Variants in POT1 observed in about 807,000 individuals in gnomAD.
The protein encoded by POT1 is protection of telomeres 1.
POT1 carries 47 observed loss-of-function variants against 78.5 expected under a neutral mutation model. The observed-to-expected ratio is 0.60, with a 90% confidence interval of 0.47 to 0.76. POT1 has a LOEUF of 0.76. Among genes scored for constraint, POT1 ranks in the 30% least tolerant of loss-of-function variants. POT1 has a pLI of 0.00. For synonymous variants in POT1, 259 were observed against 260.7 expected, an observed-to-expected ratio of 0.99 and a Z score of 0.06; for missense variants, 646 against 749.9, an observed-to-expected ratio of 0.86 and a Z score of 1.62.
At chr7:124,878,187 C>A (rs1435850370) in intron 6 of POT1, among the ~76,000 whole-genome samples, 2 of 152,002 alleles carry the variant, frequency 1.3e-5, no homozygotes, top group African/African-American at 4.8e-5. Context: ...AAAAAATTAA[C>A]CAGGTGTGGT....
chr7:124,832,456 T>TA (rs1310428305), intron 15 of POT1, among the ~76,000 whole-genome samples: 2 of 151,960 alleles, frequency 1.3e-5, no homozygotes, highest in Middle Eastern at 3.2e-3. Flanking sequence ...ATAAAAAATG[T>TA]AAAAATGTCT....
chr7:124,843,773 T>G (rs1795089609), intron 12 of POT1, among the ~76,000 whole-genome samples: 1 of 152,202 alleles, frequency 6.6e-6, no homozygotes, highest in Admixed American at 6.5e-5. Flanking sequence ...AGGGAAATGA[T>G]GTACAAATCT....
chr7:124,919,871 G>A (rs1027900042), intron 2 of POT1, among the ~76,000 whole-genome samples: 15 of 152,222 alleles, frequency 9.9e-5, no homozygotes, highest in East Asian at 1.9e-4. Flanking sequence ...TACAAACTCC[G>A]TGTGCACGTT....
intron 2 of POT1, among the ~76,000 whole-genome samples, chr7:124,922,391 T>C (rs1797172585): frequency 6.6e-6 from 1 of 152,066 alleles, no homozygotes; most frequent in Non-Finnish European, 1.5e-5. Context: ...TGACTCATTG[T>C]TTAAACAAAA....
intron 6 of POT1, among the ~76,000 whole-genome samples, chr7:124,877,840 CAAA>C (rs201285982): frequency 5.0e-5 from 4 of 80,570 alleles, no homozygotes; most frequent in Non-Finnish European, 1.1e-4. Context: ...GATTCTGTCT[CAAA>C]AAAAAAAAAA....
chr7:124,829,094 G>C, intron 16 of POT1, 160 bp downstream of exon 16: 1 of 762,358 alleles, frequency 1.3e-6, no homozygotes, highest in Non-Finnish European at 2.4e-6. Context: ...GGAAGGCTTG[G>C]CAGATATCTT....
intron 7 of POT1, among the ~76,000 whole-genome samples, chr7:124,869,134 G>A (rs1795802872): frequency 6.6e-6 from 1 of 152,080 alleles, no homozygotes; most frequent in South Asian, 2.1e-4. Flanking sequence ...ACTGTGAATG[G>A]AGCCATGCAT....
intron 6 of POT1, among the ~76,000 whole-genome samples, chr7:124,883,867 C>CA (rs1357506904): frequency 1.3e-5 from 2 of 151,066 alleles, no homozygotes; most frequent in African/African-American, 4.9e-5. Context: ...TTACATCATA[C>CA]TAGATTCTTT....
At chr7:124,859,522 TCA>T (rs1795532964) in intron 8 of POT1, among the ~76,000 whole-genome samples, 1 of 152,118 alleles carries the variant, frequency 6.6e-6, no homozygotes, top group African/African-American at 2.4e-5. Flanking sequence ...TTTATGAGAT[TCA>T]GTCTCATTCT....
chr7:124,899,269 C>A (rs1796563406), intron 3 of POT1, among the ~76,000 whole-genome samples: 1 of 152,162 alleles, frequency 6.6e-6, no homozygotes, highest in African/African-American at 2.4e-5. Flanking sequence ...CAGGCCCTCC[C>A]AAAACAAACT....
intron 15 of POT1, among the ~76,000 whole-genome samples, chr7:124,833,229 G>A (rs926815642): frequency 3.3e-5 from 5 of 152,006 alleles, no homozygotes; most frequent in Non-Finnish European, 5.9e-5. Flanking sequence ...ATACACTTTC[G>A]CTTTATGGCT....
At chr7:124,834,555 C>G (rs541376552) in intron 15 of POT1, among the ~76,000 whole-genome samples, 1 of 151,698 alleles carries the variant, frequency 6.6e-6, no homozygotes, top group Non-Finnish European at 1.5e-5. Flanking sequence ...TACCATCTCA[C>G]GCCACTTAGA....
intron 3 of POT1, among the ~76,000 whole-genome samples, chr7:124,898,730 A>G (rs1372610852): frequency 1.3e-5 from 2 of 152,142 alleles, no homozygotes. Flanking sequence ...TTGAGAAACT[A>G]CATTGAGAAA....
At chr7:124,860,291 T>C (rs1344702552) in intron 8 of POT1, among the ~76,000 whole-genome samples, 2 of 152,116 alleles carry the variant, frequency 1.3e-5, no homozygotes, top group Non-Finnish European at 2.9e-5. Context: ...TGAAATTCTA[T>C]CTCAACAAGT....
intron 13 of POT1, among the ~76,000 whole-genome samples, chr7:124,842,020 T>C (rs1278480761): frequency 1.3e-5 from 2 of 151,972 alleles, no homozygotes; most frequent in Non-Finnish European, 2.9e-5. Context: ...GGAAAATATA[T>C]GTATATTAAT....
chr7:124,851,667 C>T, intron 11 of POT1: 3 of 560,240 alleles, frequency 5.4e-6, no homozygotes, highest in Non-Finnish European at 6.3e-6. Context: ...ATCACTACCA[C>T]CCAATTTGAA....
intron 2 of POT1, among the ~76,000 whole-genome samples, chr7:124,919,700 C>A (rs1797101542): frequency 6.6e-6 from 1 of 152,108 alleles, no homozygotes; most frequent in Non-Finnish European, 1.5e-5. Flanking sequence ...AGAAACCAAC[C>A]CTGCAGCCAC....
intron 3 of POT1, among the ~76,000 whole-genome samples, chr7:124,898,859 T>C (rs1180483889): frequency 6.6e-6 from 1 of 152,196 alleles, no homozygotes; most frequent in Non-Finnish European, 1.5e-5. Flanking sequence ...GATATTTTCT[T>C]TCTACTTAGG....
At chr7:124,892,598 A>C (rs910715453) in intron 5 of POT1, 74 of 325,906 alleles carry the variant, frequency 2.3e-4, no homozygotes, top group Non-Finnish European at 2.5e-4. Flanking sequence ...ACACTAGCTC[A>C]TAAAGGCATA....
Sources: gnomAD v4.1 joint callset for allele counts (sites outside exome capture counted in the v4.1 genomes callset) on GRCh38, gnomAD v4.1.1 for gene constraint, MANE v1.5 for transcripts, NCBI Gene and HGNC (gene_info 2026-07-23, HGNC 2026-07-21) for gene names.